The following GRM8 variants were observed in gnomAD, a reference collection of about 807,000 sequenced individuals.
GRM8 encodes metabotropic glutamate receptor 8.
In GRM8, 47 loss-of-function variants were observed where a neutral mutation model predicts 87.2. The ratio of observed to expected loss-of-function variants is 0.54; its 90% CI spans 0.43 to 0.69. The LOEUF is 0.69. Among genes scored for constraint, GRM8 ranks in the 30% least tolerant of loss-of-function variants. The probability of loss-of-function intolerance (pLI) is 0.00; values close to 1 mark genes in which losing one functional copy is unlikely to be tolerated. For synonymous variants in GRM8, 396 were observed against 404.5 expected (o/e 0.98, Z 0.25); for missense variants, 1,019 against 1,139.2 (o/e 0.89, Z 1.52).
chr7:126,689,547 A>G lies in GRM8; in HGVS notation c.1358-80049T>C, dbSNP rs112163488. Among the ~76,000 whole-genome samples, 1,227 of 152,312 alleles carry G rather than the reference A, an allele frequency of 8.1e-3. 8 individuals carry two copies. The highest frequency in any genetic ancestry group is 0.028 in the African/African-American group (1,144 of 41,568). On this transcript the variant is annotated intron_variant, in intron 7 of 10. Coordinates refer to ENST00000339582, the MANE Select transcript of GRM8 (RefSeq NM_000845.3). The stretch of plus-strand genomic sequence containing the variant: ...TTATGGCGCTGATCTCAAAAAAATC[A>G]TTCACTAGATAACTGAAGACTGCCA...
At chr7:126,563,053 T>C (rs1461848195) in intron 8 of GRM8, among the ~76,000 whole-genome samples, 2 of 152,218 alleles carry the variant, frequency 1.3e-5, no homozygotes, top group Non-Finnish European at 2.9e-5. Flanking sequence ...GTGGATATGA[T>C]GTTTGAAAGC....
At chr7:126,864,084 T>C (rs998182604) in intron 6 of GRM8, among the ~76,000 whole-genome samples, 3 of 138,876 alleles carry the variant, frequency 2.2e-5, no homozygotes, top group African/African-American at 8.0e-5. Flanking sequence ...TTTTCCAGGC[T>C]GTTCTTGAAC....
chr7:126,743,541 CAT>C (rs1563144104), intron 7 of GRM8, among the ~76,000 whole-genome samples: 2 of 151,934 alleles, frequency 1.3e-5, no homozygotes, highest in Admixed American at 6.6e-5. Flanking sequence ...GGAACAGAAA[CAT>C]AGCCATTGCT....
chr7:126,889,617 T>G (rs1252194655), intron 6 of GRM8, among the ~76,000 whole-genome samples: 1 of 152,148 alleles, frequency 6.6e-6, no homozygotes, highest in Non-Finnish European at 1.5e-5. Context: ...TTCTGCAACT[T>G]ATGTAGAAAT....
intron 6 of GRM8, among the ~76,000 whole-genome samples, chr7:126,814,771 T>C (rs1793621366): frequency 6.6e-6 from 1 of 151,888 alleles, no homozygotes; most frequent in African/African-American, 2.4e-5. Flanking sequence ...ATTTTTTTTT[T>C]CAAAAATAAG....
intron 3 of GRM8, among the ~76,000 whole-genome samples, chr7:127,034,580 T>C (rs1817678711): frequency 6.6e-6 from 1 of 152,172 alleles, no homozygotes; most frequent in Non-Finnish European, 1.5e-5. Flanking sequence ...AAGTTTATCT[T>C]TGTGCTTGTT....
chr7:127,031,741 A>G (rs565054253), intron 3 of GRM8, among the ~76,000 whole-genome samples: 1 of 152,244 alleles, frequency 6.6e-6, no homozygotes, highest in East Asian at 1.9e-4. Flanking sequence ...TCCTAACATC[A>G]ATACTGTTGT....
At chr7:126,467,631 T>C (rs1482063995) in intron 9 of GRM8, among the ~76,000 whole-genome samples, 1 of 152,050 alleles carries the variant, frequency 6.6e-6, no homozygotes, top group African/African-American at 2.4e-5. Context: ...TTAAACAAAG[T>C]GTATACTCTT....
At position 126,536,058 on chromosome 7, in the gene GRM8, G is replaced by C. The variant is rs567102358; in HGVS notation, c.1495-2171C>G. Reference sequence around the variant, plus strand: ...AAACTGCTACATTTTGGAGTTATTTGTTCTGCAACAACAGAAAATGAATGC... The same window carrying C: ...AAACTGCTACATTTTGGAGTTATTTCTTCTGCAACAACAGAAAATGAATGC... On this transcript the variant is annotated intron_variant, in intron 8 of 10. Coordinates refer to ENST00000339582, the MANE Select transcript of GRM8 (RefSeq NM_000845.3). 9.9e-4 allele frequency among the ~76,000 whole-genome samples: 151 copies of C among 152,292 alleles called. 1 individual carries two copies. The highest frequency in any genetic ancestry group is 3.4e-3 in the African/African-American group (141 of 41,558).
chr7:126,640,774 C>CTCTCCCTG (rs971463819), intron 7 of GRM8, among the ~76,000 whole-genome samples: 24 of 152,140 alleles, frequency 1.6e-4, no homozygotes, highest in African/African-American at 5.8e-4. Context: ...CCTTTCTGCT[C>CTCTCCCTG]TCTCCCTGTC....
chr7:126,688,747 C>CAA (rs1808450002), intron 7 of GRM8, among the ~76,000 whole-genome samples: 1 of 151,396 alleles, frequency 6.6e-6, no homozygotes, highest in Admixed American at 6.6e-5. Context: ...CTGACACACA[C>CAA]ACACACACAC....
chr7:127,076,953 A>G (rs143983358), intron 3 of GRM8, among the ~76,000 whole-genome samples: 6 of 152,304 alleles, frequency 3.9e-5, no homozygotes, highest in Non-Finnish European at 8.8e-5. Context: ...GTCCAGAGAG[A>G]TGGAATGACT....
intron 7 of GRM8, among the ~76,000 whole-genome samples, chr7:126,618,526 T>C (rs574380176): frequency 2.3e-4 from 35 of 152,042 alleles, no homozygotes; most frequent in Non-Finnish European, 4.1e-4. Flanking sequence ...AATTGACAAA[T>C]GGGATCTAAT....
chr7:126,449,764 C>G, intron 9 of GRM8, among the ~76,000 whole-genome samples: 1 of 151,820 alleles, frequency 6.6e-6, no homozygotes, highest in East Asian at 1.9e-4. Flanking sequence ...CTCCCACTAA[C>G]CCACAAAAAT....
intron 2 of GRM8, among the ~76,000 whole-genome samples, chr7:127,167,752 T>C (rs1237796471): frequency 2.0e-5 from 3 of 152,034 alleles, no homozygotes; most frequent in Non-Finnish European, 4.4e-5. Context: ...TCTCCCTCCT[T>C]CTTCTCAGAC....
At chr7:126,750,654 T>A (rs1816312997) in intron 7 of GRM8, among the ~76,000 whole-genome samples, 1 of 152,140 alleles carries the variant, frequency 6.6e-6, no homozygotes, top group Admixed American at 6.6e-5. Context: ...CTTCCAATTC[T>A]TTAAAACGAC....
At chr7:126,683,714 C>G (rs1053660955) in intron 7 of GRM8, among the ~76,000 whole-genome samples, 1 of 152,098 alleles carries the variant, frequency 6.6e-6, no homozygotes, top group Non-Finnish European at 1.5e-5. Flanking sequence ...ATATATGTTA[C>G]ATAAACAAGA....
intron 3 of GRM8, among the ~76,000 whole-genome samples, chr7:127,013,181 C>T (rs1250460578): frequency 1.3e-5 from 2 of 152,144 alleles, no homozygotes; most frequent in Non-Finnish European, 2.9e-5. Context: ...CTAGTTCAAT[C>T]AAGGATGGGT....
intron 9 of GRM8, among the ~76,000 whole-genome samples, chr7:126,476,349 C>G (rs1269500142): frequency 1.3e-5 from 2 of 152,070 alleles, no homozygotes; most frequent in African/African-American, 4.8e-5. Flanking sequence ...CCCAGGGGTT[C>G]GAGGCTATGC....
Sources: gnomAD v4.1 joint callset for allele counts (sites outside exome capture counted in the v4.1 genomes callset) on GRCh38, gnomAD v4.1.1 for gene constraint, MANE v1.5 for transcripts, NCBI Gene and HGNC (gene_info 2026-07-23, HGNC 2026-07-21) for gene names.